The following RPL18A variants were observed in gnomAD, a reference collection of about 807,000 sequenced individuals.
The protein encoded by RPL18A is ribosomal protein L18a.
For synonymous variants in RPL18A, 122 were observed against 96.9 expected (o/e 1.26, Z -1.52); for missense variants, 163 against 254.1 (o/e 0.64, Z 2.44).
At chr19:17,860,180 G>A (rs762221610) in intron 1 of RPL18A, 5 of 526,032 alleles carry the variant, frequency 9.5e-6, no homozygotes, top group Non-Finnish European at 1.6e-5. Context: ...GGCCAGCTCA[G>A]GGATCGCGGG....
At chr19:17,862,028 G>A in intron 2 of RPL18A, 66 bp from the exon 3 acceptor site, 1 of 1,575,858 alleles carries the variant, frequency 6.3e-7, no homozygotes, top group Non-Finnish European at 8.6e-7. Flanking sequence ...AGAGGGTTCA[G>A]TGAGGATGGG....
Position 17,862,932 on chromosome 19 carries a change from G to T in RPL18A, c.343G>T (p.Ala115Ser), listed in dbSNP as rs2094280287. ...AVTQCYRDMG[A>S]RHRARAHSIQ... Reference sequence around the variant, plus strand: ...CCTTTCCACAGACCGAGACATGGGTGCCCGGCACCGCGCCCGAGCCCACTC... The same window carrying T: ...CCTTTCCACAGACCGAGACATGGGTTCCCGGCACCGCGCCCGAGCCCACTC... The change falls in exon 4 of 5, where the codon GCC (alanine) becomes TCC (serine). Residue 115 changes from alanine (A) to serine (S), a missense_variant. Physicochemically the swap from Ala to Ser is moderately conservative, Grantham distance 99. Transcript: ENST00000222247. 6 of 1,610,988 alleles carry T rather than the reference G, an allele frequency of 3.7e-6. No homozygotes were observed. The highest frequency in any genetic ancestry group is 5.1e-6 in the Non-Finnish European group (6 of 1,178,824).
intron 2 of RPL18A, 21 bp downstream of exon 2, chr19:17,861,493 C>G (rs938875219): frequency 1.3e-6 from 2 of 1,556,516 alleles, no homozygotes; most frequent in South Asian, 2.4e-5. Context: ...GCCGGGGCTA[C>G]GTGGGGTCTG....
intron 2 of RPL18A, 145 bp from the exon 3 acceptor site, chr19:17,861,949 G>A: frequency 1.1e-6 from 1 of 921,604 alleles, no homozygotes; most frequent in Non-Finnish European, 1.6e-6. Flanking sequence ...AGGTAGGTGG[G>A]GCTGGGAAAC....
rs772185588 is a variant in RPL18A, at chr19:17,862,084, TC to T, written c.199-8del. On this transcript the variant is annotated splice_polypyrimidine_tract_variant and intron_variant, in intron 2 of 4. Transcript: ENST00000222247. Reference sequence around the variant, plus strand: ...TGCTCTCACATCTCCCTGTGGCCTCTCCTTGGCAGGTGTTTGAGAAGTCCCC... The same window carrying T: ...TGCTCTCACATCTCCCTGTGGCCTCTCTTGGCAGGTGTTTGAGAAGTCCCC... 5 of 1,610,868 alleles carry T rather than the reference TC, an allele frequency of 3.1e-6. No individual in the cohort carries two copies. The highest frequency in any genetic ancestry group is 4.2e-6 in the Non-Finnish European group (5 of 1,179,316).
At chr19:17,861,820 C>T in intron 2 of RPL18A, 1 of 550,138 alleles carries the variant, frequency 1.8e-6, no homozygotes, top group Non-Finnish European at 3.2e-6. Flanking sequence ...AGACAGGTTC[C>T]AGGAGACTTG....
rs2094279149 is a variant in RPL18A, at chr19:17,862,449, C to T, written c.328+226C>T. 6.0e-6 allele frequency: 4 copies of T among 671,654 alleles called. No individual in the cohort carries two copies. The Admixed American group carries it at 6.6e-5, about 11-fold the overall frequency. 41.6% of individuals were successfully genotyped at this position (671,654 alleles called of 1,614,324 possible). A position where few individuals can be genotyped will look rare whatever the true frequency, so the allele number is the denominator to read the frequency against. On this transcript the variant is annotated intron_variant, in intron 3 of 4. Transcript: ENST00000222247. ...GGAAACTCCCTTTTTGGGTCTGCAC[C>T]TTGTTTAGACTGGGATCCACATCAC...
At position 17,862,595 on chromosome 19, in the gene RPL18A, C is replaced by G. The variant is rs774640395; in HGVS notation, c.329-323C>G. 8.5e-6 allele frequency: 6 copies of G among 705,100 alleles called. No homozygotes were observed. The Admixed American group carries it at 8.8e-5, about 10-fold the overall frequency. 43.7% of individuals were successfully genotyped at this position (705,100 alleles called of 1,614,324 possible). On this transcript the variant is annotated intron_variant, in intron 3 of 4. Transcript: ENST00000222247. ...GACCCCCACACCTCCCTGATTGCAC[C>G]TAAACCCAAGAATCACTGTTTCTTA...
chr19:17,863,150 A>G (rs373410133), intron 4 of RPL18A, 21 bp from the exon 5 acceptor site: 25 of 1,606,062 alleles, frequency 1.6e-5, no homozygotes, highest in Non-Finnish European at 2.1e-5. Context: ...AACCCCCTCA[A>G]CATGCCTCCC....
intron 2 of RPL18A, 45 bp downstream of exon 2, chr19:17,861,517 C>T: frequency 7.0e-7 from 1 of 1,433,134 alleles, no homozygotes; most frequent in Non-Finnish European, 9.5e-7. Context: ...TGGATTTGCG[C>T]CTCTTGGGAC....
chr19:17,861,061 A>G, intron 1 of RPL18A: 3 of 549,840 alleles, frequency 5.5e-6, no homozygotes, highest in African/African-American at 1.9e-5. Flanking sequence ...AAGGAGAGGC[A>G]GGCAACTCAA....
At chr19:17,861,071 A>G (rs552731658) in intron 1 of RPL18A, 1 of 562,544 alleles carries the variant, frequency 1.8e-6, no homozygotes, top group African/African-American at 1.9e-5. Context: ...AGGCAACTCA[A>G]TTAATCCTCC....
Position 17,862,202 on chromosome 19 carries a change from G to C in RPL18A, c.307G>C (p.Ala103Pro). Residue 103 changes from alanine to proline, a missense_variant, in exon 3 of 5, where the codon GCA (alanine) becomes CCA (proline). Transcript: ENST00000222247. ...MYREYRDLTT[A>P]GAVTQCYRDM... ...CCGGGAATACCGGGACCTGACCACC[G>C]CAGGCGCTGTCACCCAGTGCTGTAA... is the stretch of plus-strand genomic sequence containing the variant. 1 of 1,613,406 alleles carries C rather than the reference G, an allele frequency of 6.2e-7. No individual in the cohort carries two copies. Among genetic ancestry groups the C allele is most frequent in the African/African-American group, 1.3e-5 (1 of 75,052 alleles).
chr19:17,863,100 A>C, intron 4 of RPL18A, 71 bp from the exon 5 acceptor site: 1 of 1,545,964 alleles, frequency 6.5e-7, no homozygotes, highest in Non-Finnish European at 8.9e-7. Context: ...GGGCGGCTAC[A>C]CCTTGGTGGC....
intron 3 of RPL18A, chr19:17,862,433 C>G: frequency 1.5e-6 from 1 of 678,842 alleles, no homozygotes; most frequent in Non-Finnish European, 2.6e-6. Context: ...TGGAAACTCC[C>G]TTTTTGGGTC....
intron 2 of RPL18A, 139 bp from the exon 3 acceptor site, chr19:17,861,955 G>A: frequency 9.9e-7 from 1 of 1,013,384 alleles, no homozygotes; most frequent in Admixed American, 2.9e-5. Flanking sequence ...GTGGGGCTGG[G>A]AAACTGAGGC....
rs1289364958 is a variant in RPL18A, at chr19:17,863,308, G to C, written c.*45G>C. The C allele has an allele frequency of 1.5e-6, 2 of 1,314,100 alleles. No individual in the cohort carries two copies. The highest frequency in any genetic ancestry group is 1.9e-5 in the Admixed American group (1 of 53,460). 81.4% of individuals were successfully genotyped at this position (1,314,100 alleles called of 1,614,324 possible). Reference sequence around the variant, plus strand: ...GTGTGCCCCAAATAAACTCAGGAACGCCCCGGTGCTCGCCGCATGTTTTCT... The same window carrying C: ...GTGTGCCCCAAATAAACTCAGGAACCCCCCGGTGCTCGCCGCATGTTTTCT... On this transcript the variant is annotated 3_prime_UTR_variant, in exon 5 of 5. Coordinates refer to ENST00000222247, the MANE Select transcript of RPL18A (RefSeq NM_000980.4).
At position 17,862,816 on chromosome 19, in the gene RPL18A, G is replaced by T. The variant is rs185735335; in HGVS notation, c.329-102G>T. 6.2e-4 allele frequency: 514 copies of T among 835,434 alleles called. 2 individuals carry two copies. Among genetic ancestry groups the T allele is most frequent in the Non-Finnish European group, 1.1e-4 (54 of 484,218 alleles). 51.8% of individuals were successfully genotyped at this position (835,434 alleles called of 1,614,324 possible). A position where few individuals can be genotyped will look rare whatever the true frequency, so the allele number is the denominator to read the frequency against. ...CCCCGAGCCCTCAGGCAGTTGCTGT[G>T]ACCAACAGGATGTGTCAGGTCATTG... is the stretch of plus-strand genomic sequence containing the variant. On this transcript the variant is annotated intron_variant, in intron 3 of 4. Transcript: ENST00000222247.
rs779503423 is a variant in RPL18A at position 17,861,389 on chromosome 19, G to A, written c.115G>A (p.Val39Ile). ...RMRIFAPNHV[V>I]AKSRFWYFVS... Reference sequence around the variant, plus strand: ...GCGAATCTTTGCGCCTAATCATGTCGTCGCCAAGTCCCGCTTCTGGTACTT... The same window carrying A: ...GCGAATCTTTGCGCCTAATCATGTCATCGCCAAGTCCCGCTTCTGGTACTT... Residue 39 changes from valine (V) to isoleucine (I), a missense_variant, in exon 2 of 5, where the codon GTC (valine) becomes ATC (isoleucine). Physicochemically the swap from Val to Ile is conservative, Grantham distance 29. Coordinates refer to ENST00000222247, the MANE Select transcript of RPL18A (RefSeq NM_000980.4). 3.7e-6 allele frequency: 6 copies of A among 1,611,808 alleles called. No homozygotes were observed. The highest frequency in any genetic ancestry group is 2.2e-5 in the East Asian group (1 of 44,850).
Sources: gnomAD v4.1 joint callset for allele counts on GRCh38, gnomAD v4.1.1 for gene constraint, MANE v1.5 for transcripts, NCBI Gene and HGNC (gene_info 2026-07-23, HGNC 2026-07-21) for gene names.